The following CFHR3 variants were observed in gnomAD, a reference collection of about 807,000 sequenced individuals.
CFHR3 encodes complement factor H-related protein 3.
In CFHR3, 22 loss-of-function variants were observed where a neutral mutation model predicts 36.0. The ratio of observed to expected loss-of-function variants is 0.61; its 90% CI spans 0.44 to 0.87. CFHR3 has a LOEUF of 0.87. Among genes scored for constraint, CFHR3 ranks in the 40% least tolerant of loss-of-function variants. The pLI is 0.00. For missense variants in CFHR3, 276 were observed against 401.3 expected (o/e 0.69, Z 2.67); for synonymous variants, 97 against 137.4 (o/e 0.71, Z 2.06).
At position 196,785,938 on chromosome 1, in the gene CFHR3, T is replaced by G. The variant is rs1254679214; in HGVS notation, c.431-2278T>G. On this transcript the variant is annotated intron_variant, in intron 3 of 5. Coordinates refer to ENST00000367425, the MANE Select transcript of CFHR3 (RefSeq NM_021023.6). Reference sequence around the variant, plus strand: ...TTTTCCCCATCTTTGTGGTTTTATCTACTTTTGGTCTTTGATGATGGTGAT... The same window carrying G: ...TTTTCCCCATCTTTGTGGTTTTATCGACTTTTGGTCTTTGATGATGGTGAT... 2.2e-5 allele frequency among the ~76,000 whole-genome samples: 3 copies of G among 135,624 alleles called. 1 individual carries two copies. The highest frequency in any genetic ancestry group is 6.2e-5 in the African/African-American group (2 of 32,038). 89.0% of individuals were successfully genotyped at this position (135,624 alleles called of 152,430 possible).
At chr1:196,783,867 C>A (rs1573114985) in intron 3 of CFHR3, among the ~76,000 whole-genome samples, 1 of 135,024 alleles carries the variant, frequency 7.4e-6, no homozygotes, top group Non-Finnish European at 1.6e-5. Flanking sequence ...TTTGCTCTTG[C>A]TTTTCTAGTT....
rs1330268831 is a variant in CFHR3 at position 196,779,203 on chromosome 1, T to A, written c.100T>A (p.Phe34Ile). ...DFPDIKHGGL[F>I]HENMRRPYFP... is the part of the protein sequence containing the mutation. ...TCCAGACATTAAACATGGAGGTCTA[T>A]TTCATGAGAATATGCGTAGACCATA... The change falls in exon 2 of 6, where the codon TTT (phenylalanine) becomes ATT (isoleucine). Residue 34 changes from phenylalanine to isoleucine, a missense_variant. Around this residue, in one of 3 missense-constraint regions of CFHR3, gnomAD observed 178 missense variants for 247.2 expected, o/e 0.72. Coordinates refer to ENST00000367425, the MANE Select transcript of CFHR3 (RefSeq NM_021023.6). 5 of 1,530,334 alleles carry A rather than the reference T, an allele frequency of 3.3e-6. No individual in the cohort carries two copies. Among genetic ancestry groups the A allele is most frequent in the Non-Finnish European group, 4.4e-6 (5 of 1,130,478 alleles). 94.8% of individuals were successfully genotyped at this position (1,530,334 alleles called of 1,614,324 possible). A position where few individuals can be genotyped will look rare whatever the true frequency, so the allele number is the denominator to read the frequency against.
In CFHR3 at chr1:196,775,664, A is replaced by C. The variant is rs751058392; in HGVS notation, c.58+720A>C. Among the ~76,000 whole-genome samples the C allele has an allele frequency of 2.1e-4, 29 of 137,268 alleles. 5 individuals carry two copies. The highest frequency in any genetic ancestry group is 3.7e-4 in the Non-Finnish European group (24 of 64,454). 90.1% of individuals were successfully genotyped at this position (137,268 alleles called of 152,430 possible). A position where few individuals can be genotyped will look rare whatever the true frequency, so the allele number is the denominator to read the frequency against. ...TAGATAGTCATATATTTTCTGTATT[A>C]ATTATCTTTTTGAATGCAGGCCTTG... On this transcript the variant is annotated intron_variant, in intron 1 of 5. Coordinates refer to ENST00000367425, the MANE Select transcript of CFHR3 (RefSeq NM_021023.6).
chr1:196,788,502 G>A, intron 4 of CFHR3, 104 bp downstream of exon 4: 1 of 1,441,696 alleles, frequency 6.9e-7, no homozygotes, highest in South Asian at 1.4e-5. Context: ...TAGGAGTAAA[G>A]AGATACAAAT....
intron 4 of CFHR3, chr1:196,789,644 C>T: frequency 1.4e-6 from 2 of 1,430,530 alleles, no homozygotes; most frequent in Non-Finnish European, 1.9e-6. Context: ...GCGGTTTAAG[C>T]TCCGTGACAC....
intron 3 of CFHR3, among the ~76,000 whole-genome samples, chr1:196,784,615 A>G (rs1654111507): frequency 7.4e-6 from 1 of 135,984 alleles, no homozygotes; most frequent in Admixed American, 7.1e-5. Flanking sequence ...ATCAGAGACT[A>G]GGATTGCAAC....
rs770921062 is a variant in CFHR3, at chr1:196,788,407, T to A, written c.613+9T>A. 6 of 1,527,486 alleles carry A rather than the reference T, an allele frequency of 3.9e-6. No homozygotes were observed. The highest frequency in any genetic ancestry group is 3.5e-5 in the Admixed American group (2 of 57,160). The allele number at this position is 1,527,486 out of a possible 1,614,324, so 94.6% of individuals were successfully genotyped here. ...ACAACCAATTTGCATTAGTAAGTGA[T>A]TTACATATTCCCATTCAGTTTCTGT... On this transcript the variant is annotated intron_variant, in intron 4 of 5. Transcript: ENST00000367425.
At chr1:196,791,063 T>G (rs1654413031) in intron 5 of CFHR3, among the ~76,000 whole-genome samples, 2 of 137,138 alleles carry the variant, frequency 1.5e-5, no homozygotes, top group Admixed American at 1.4e-4. Context: ...CATAGCTGGT[T>G]AACACTGAGA....
rs752855094 is a variant in CFHR3 at position 196,787,695 on chromosome 1, C to T, written c.431-521C>T. ...TTTTTCTGCTTACATTTCCACATGC[C>T]TCTCAAACACCACGTCTATATGGGT... On this transcript the variant is annotated intron_variant, in intron 3 of 5. Coordinates refer to ENST00000367425, the MANE Select transcript of CFHR3 (RefSeq NM_021023.6). Among the ~76,000 whole-genome samples the T allele has an allele frequency of 1.5e-5, 2 of 136,492 alleles. 1 individual carries two copies. Among genetic ancestry groups the T allele is most frequent in the African/African-American group, 6.2e-5 (2 of 32,500 alleles). The allele number at this position is 136,492 out of a possible 152,430, so 89.5% of individuals were successfully genotyped here. A position where few individuals can be genotyped will look rare whatever the true frequency, so the allele number is the denominator to read the frequency against.
chr1:196,786,463 C>G lies in CFHR3; in HGVS notation c.431-1753C>G, dbSNP rs1055292956. On this transcript the variant is annotated intron_variant, in intron 3 of 5. Transcript: ENST00000367425. ...GAGCTGTGGTGGGCTCCACCCAGTT[C>G]GAGCTTCCTGGCTGCTTTGTTTACC... Among the ~76,000 whole-genome samples the G allele has an allele frequency of 1.5e-5, 2 of 135,934 alleles. 1 individual carries two copies. Among genetic ancestry groups the G allele is most frequent in the Non-Finnish European group, 3.1e-5 (2 of 64,268 alleles). 89.2% of individuals were successfully genotyped at this position (135,934 alleles called of 152,430 possible).
At position 196,778,435 on chromosome 1, in the gene CFHR3, C is replaced by G. The variant is rs1231426438; in HGVS notation, c.59-727C>G. On this transcript the variant is annotated intron_variant, in intron 1 of 5. Transcript: ENST00000367425. ...AGGCTGTAAATATTATTTTCTATCA[C>G]TTGTTCCAGAATTATAGAAGAAACA... Among the ~76,000 whole-genome samples, 9 of 136,894 alleles carry G rather than the reference C, an allele frequency of 6.6e-5. 1 individual carries two copies. The highest frequency in any genetic ancestry group is 2.7e-4 in the African/African-American group (9 of 32,834). 89.8% of individuals were successfully genotyped at this position (136,894 alleles called of 152,430 possible).
At chr1:196,780,948 C>A (rs1396631696) in intron 3 of CFHR3, among the ~76,000 whole-genome samples, 5 of 77,356 alleles carry the variant, frequency 6.5e-5, no homozygotes, top group Non-Finnish European at 1.2e-4. Context: ...CTATCCCTCC[C>A]CCCTCCCCCC....
rs185572053 is a variant in CFHR3, at chr1:196,790,937, T to C, written c.796+710T>C. Among the ~76,000 whole-genome samples the C allele has an allele frequency of 1.1e-3, 151 of 135,634 alleles. 10 individuals are homozygous for C. Among genetic ancestry groups the C allele is most frequent in the Non-Finnish European group, 3.1e-4 (20 of 64,132 alleles). The allele number at this position is 135,634 out of a possible 152,430, so 89.0% of individuals were successfully genotyped here. A position where few individuals can be genotyped will look rare whatever the true frequency, so the allele number is the denominator to read the frequency against. On this transcript the variant is annotated intron_variant, in intron 5 of 5. Transcript: ENST00000367425. Reference sequence around the variant, plus strand: ...ATCTCAGCTTAACACCAGTAATCATTTTCACATTATTAACACTTAGGTAAA... The same window carrying C: ...ATCTCAGCTTAACACCAGTAATCATCTTCACATTATTAACACTTAGGTAAA...
At position 196,787,492 on chromosome 1, in the gene CFHR3, C is replaced by T. The variant is rs1420806359; in HGVS notation, c.431-724C>T. Among the ~76,000 whole-genome samples the T allele has an allele frequency of 1.2e-4, 16 of 136,814 alleles. 3 individuals are homozygous for T. Among genetic ancestry groups the T allele is most frequent in the Non-Finnish European group, 2.5e-4 (16 of 64,568 alleles). 89.8% of individuals were successfully genotyped at this position (136,814 alleles called of 152,430 possible). On this transcript the variant is annotated intron_variant, in intron 3 of 5. Coordinates refer to ENST00000367425, the MANE Select transcript of CFHR3 (RefSeq NM_021023.6). ...TCCATTTACATTTGTTTTTGAATTA[C>T]TAATTAGAAAAGAACATATACATTA... is the stretch of plus-strand genomic sequence containing the variant.
chr1:196,784,218 T>C (rs1356086854), intron 3 of CFHR3, among the ~76,000 whole-genome samples: 1 of 136,576 alleles, frequency 7.3e-6, no homozygotes, highest in Admixed American at 7.0e-5. Flanking sequence ...GAGCTTTACT[T>C]CCAACTATGT....
intron 1 of CFHR3, among the ~76,000 whole-genome samples, chr1:196,777,509 C>A (rs774147422): frequency 7.3e-6 from 1 of 136,392 alleles, no homozygotes; most frequent in Non-Finnish European, 1.6e-5. Context: ...GTATATTTCA[C>A]GTGTCCCCAT....
chr1:196,779,289 T>G lies in CFHR3; in HGVS notation c.186T>G (p.Pro62=). Reference sequence around the variant, plus strand: ...ACTGTGATGAACATTTTGAGACTCCTTCAGGAAGTTACTGGGATTACATTC... The same window carrying G: ...ACTGTGATGAACATTTTGAGACTCCGTCAGGAAGTTACTGGGATTACATTC... ...SYYCDEHFET[P]SGSYWDYIHC... Residue 62 remains proline, a synonymous_variant, in exon 2 of 6, where the codon CCT becomes CCG. Coordinates refer to ENST00000367425, the MANE Select transcript of CFHR3 (RefSeq NM_021023.6). 1.3e-6 allele frequency: 2 copies of G among 1,529,918 alleles called. No homozygotes were observed. Among genetic ancestry groups the G allele is most frequent in the Non-Finnish European group, 1.8e-6 (2 of 1,130,370 alleles). The allele number at this position is 1,529,918 out of a possible 1,614,324, so 94.8% of individuals were successfully genotyped here. A position where few individuals can be genotyped will look rare whatever the true frequency, so the allele number is the denominator to read the frequency against.
At position 196,793,155 on chromosome 1, in the gene CFHR3, T is replaced by C. The variant is rs1034437467; in HGVS notation, c.797-162T>C. On this transcript the variant is annotated intron_variant, in intron 5 of 5. Coordinates refer to ENST00000367425, the MANE Select transcript of CFHR3 (RefSeq NM_021023.6). ...TGGGGAAGTGCAACTGAACTTATTA[T>C]ATTTTTGAAATGCTAACGTCAGTAT... 1.2e-4 allele frequency among the ~76,000 whole-genome samples: 16 copies of C among 135,008 alleles called. 2 individuals carry two copies. Among genetic ancestry groups the C allele is most frequent in the African/African-American group, 4.4e-4 (14 of 31,734 alleles). 88.6% of individuals were successfully genotyped at this position (135,008 alleles called of 152,430 possible).
At chr1:196,790,730 T>C (rs1224303848) in intron 5 of CFHR3, among the ~76,000 whole-genome samples, 1 of 89,788 alleles carries the variant, frequency 1.1e-5, no homozygotes, top group Admixed American at 1.1e-4. Context: ...TCTCCAAAAA[T>C]AAAAAAATAA....
Sources: allele counts gnomAD v4.1 joint callset (sites outside exome capture counted in the v4.1 genomes callset), GRCh38; gene constraint gnomAD v4.1.1; regional missense constraint gnomAD v4.1.1; transcripts MANE v1.5; gene names NCBI Gene and HGNC (gene_info 2026-07-23, HGNC 2026-07-21).